The following CDH12 variants were observed in gnomAD, a reference collection of about 807,000 sequenced individuals.
CDH12 encodes the protein cadherin-12.
Under a neutral mutation model 74.1 loss-of-function variants are expected in CDH12, and 41 were observed. That is an observed-to-expected ratio of 0.55 (90% confidence interval 0.43 to 0.72). CDH12 has a LOEUF of 0.72. CDH12 is among the 30% of genes least tolerant of loss of function. The pLI is 0.00. For synonymous variants in CDH12, 399 were observed against 355.0 expected, an observed-to-expected ratio of 1.12 and a Z score of -1.39; for missense variants, 945 against 977.2, an observed-to-expected ratio of 0.97 and a Z score of 0.44.
intron 4 of CDH12, among the ~76,000 whole-genome samples, chr5:22,207,826 C>T (rs1328252113): frequency 1.3e-5 from 2 of 152,278 alleles, no homozygotes; most frequent in South Asian, 2.1e-4. Flanking sequence ...GCAAGATCCA[C>T]GTGTTCATTG....
intron 1 of CDH12, among the ~76,000 whole-genome samples, chr5:22,701,321 T>C (rs1297373230): frequency 5.3e-5 from 8 of 152,078 alleles, no homozygotes; most frequent in Admixed American, 5.2e-4. Flanking sequence ...AAACATAACC[T>C]GAATTATCCT....
chr5:22,171,100 C>T (rs533648828), intron 4 of CDH12, among the ~76,000 whole-genome samples: 1 of 151,752 alleles, frequency 6.6e-6, no homozygotes, highest in Non-Finnish European at 1.5e-5. Flanking sequence ...ATATCTAGTC[C>T]AAGAACTTGC....
At chr5:21,805,700 C>T (rs1397833747) in intron 9 of CDH12, among the ~76,000 whole-genome samples, 2 of 152,096 alleles carry the variant, frequency 1.3e-5, no homozygotes, top group Non-Finnish European at 2.9e-5. Flanking sequence ...TGACTGACTA[C>T]CCTCCATTTT....
At chr5:21,872,894 C>CATCTATCTATCTATCTATCT (rs59704352) in intron 6 of CDH12, among the ~76,000 whole-genome samples, 46,919 of 146,528 alleles carry the variant, frequency 0.32, 7,906 homozygotes, top group East Asian at 0.38. Flanking sequence ...ACCTATCATC[C>CATCTATCTATCTATCTATCT]ATCTATCTAT....
At chr5:21,809,082 A>G (rs1747597480) in intron 9 of CDH12, among the ~76,000 whole-genome samples, 1 of 152,116 alleles carries the variant, frequency 6.6e-6, no homozygotes, top group Non-Finnish European at 1.5e-5. Flanking sequence ...TATTTGTAAC[A>G]AAACTATTTA....
chr5:22,661,430 C>A (rs1740342736), intron 1 of CDH12, among the ~76,000 whole-genome samples: 1 of 152,096 alleles, frequency 6.6e-6, no homozygotes, highest in African/African-American at 2.4e-5. Context: ...TTAGAAAATT[C>A]TCAAATAAAC....
Position 21,908,917 on chromosome 5 carries a change from TA to T in CDH12, c.527-54128del, listed in dbSNP as rs531349704. Reference sequence around the variant, plus strand: ...TGATAGCAGGGTACGCATGAGAGTGTAAAAAAAAAATTATTTATTTGGATTT... The same window carrying T: ...TGATAGCAGGGTACGCATGAGAGTGTAAAAAAAAATTATTTATTTGGATTT... On this transcript the variant is annotated intron_variant, in intron 6 of 14. Coordinates refer to ENST00000382254, the MANE Select transcript of CDH12 (RefSeq NM_004061.5). Among the ~76,000 whole-genome samples the T allele has an allele frequency of 2.3e-3, 340 of 150,770 alleles. 1 individual carries two copies. The highest frequency in any genetic ancestry group is 6.7e-3 in the South Asian group (32 of 4,794).
intron 6 of CDH12, among the ~76,000 whole-genome samples, chr5:21,906,585 CTTTCT>C (rs201879939): frequency 0.02 from 3,050 of 152,240 alleles, 67 homozygotes; most frequent in South Asian, 0.05. Flanking sequence ...ATGATCTTTG[CTTTCT>C]TTTCAACTCC....
At chr5:22,757,106 A>G (rs928404081) in intron 1 of CDH12, among the ~76,000 whole-genome samples, 2 of 152,144 alleles carry the variant, frequency 1.3e-5, no homozygotes, top group Admixed American at 1.3e-4. Context: ...CCTGTTTATA[A>G]AGCAAGGTAG....
intron 2 of CDH12, among the ~76,000 whole-genome samples, chr5:22,484,673 G>C (rs2126630183): frequency 6.6e-6 from 1 of 152,288 alleles, no homozygotes; most frequent in South Asian, 2.1e-4. Flanking sequence ...CACCGACAAA[G>C]TATAAAGAAC....
At chr5:22,162,749 T>C (rs187535751) in intron 4 of CDH12, among the ~76,000 whole-genome samples, 5 of 152,176 alleles carry the variant, frequency 3.3e-5, no homozygotes, top group African/African-American at 9.7e-5. Context: ...GTTTGTCAGC[T>C]GCTCTAGTAC....
intron 4 of CDH12, among the ~76,000 whole-genome samples, chr5:22,177,479 A>G (rs1749405727): frequency 6.6e-6 from 1 of 152,168 alleles, no homozygotes; most frequent in Non-Finnish European, 1.5e-5. Flanking sequence ...GTATCAACTT[A>G]AAAAATTTCA....
intron 1 of CDH12, among the ~76,000 whole-genome samples, chr5:22,532,350 G>GATATATATATATATATATAT (rs71609770): frequency 0.024 from 656 of 27,184 alleles, 106 homozygotes; most frequent in African/African-American, 0.042. Context: ...ATATAAATAG[G>GATATATATATATATATATAT]ATATATATAT....
intron 6 of CDH12, among the ~76,000 whole-genome samples, chr5:21,859,843 T>C (rs7709542): frequency 0.95 from 144,565 of 151,994 alleles, 69,072 homozygotes; most frequent in Non-Finnish European, 1. Context: ...GTTTACTACT[T>C]CACGATGGAG....
chr5:22,324,172 T>C (rs559875639), intron 3 of CDH12, among the ~76,000 whole-genome samples: 1 of 152,262 alleles, frequency 6.6e-6, no homozygotes, highest in African/African-American at 2.4e-5. Flanking sequence ...AGCAATTTTA[T>C]TTAAACTGTA....
chr5:21,909,125 C>G (rs1279521969), intron 6 of CDH12, among the ~76,000 whole-genome samples: 5 of 152,144 alleles, frequency 3.3e-5, no homozygotes, highest in Non-Finnish European at 7.4e-5. Flanking sequence ...GTCTGCACAT[C>G]CCACAGCCCA....
At chr5:22,512,091 A>T (rs1386495708) in intron 1 of CDH12, among the ~76,000 whole-genome samples, 3 of 152,102 alleles carry the variant, frequency 2.0e-5, no homozygotes, top group Non-Finnish European at 4.4e-5. Flanking sequence ...AAGGGGAACA[A>T]TCACAAAATC....
At chr5:22,422,909 A>C (rs1743717670) in intron 2 of CDH12, among the ~76,000 whole-genome samples, 1 of 152,160 alleles carries the variant, frequency 6.6e-6, no homozygotes, top group Admixed American at 6.5e-5. Flanking sequence ...TTCTTGATAG[A>C]AGTGTTACAC....
chr5:22,086,336 T>C (rs1580226469), intron 4 of CDH12, among the ~76,000 whole-genome samples: 1 of 151,670 alleles, frequency 6.6e-6, no homozygotes, highest in East Asian at 1.9e-4. Context: ...TATTTATTTA[T>C]TTATTTATTT....
Sources: allele counts gnomAD v4.1 joint callset (sites outside exome capture counted in the v4.1 genomes callset), GRCh38; gene constraint gnomAD v4.1.1; transcripts MANE v1.5; gene names NCBI Gene and HGNC (gene_info 2026-07-23, HGNC 2026-07-21).